The following STK25 variants were observed in gnomAD, a reference collection of about 807,000 sequenced individuals.
STK25 encodes serine/threonine kinase 25.
Under a neutral mutation model 53.8 loss-of-function variants are expected in STK25, and 29 were observed. The observed-to-expected ratio is 0.54, with a 90% confidence interval of 0.40 to 0.74. STK25 has a LOEUF of 0.74. Among genes scored for constraint, STK25 ranks in the 30% least tolerant of loss-of-function variants. The pLI is 0.00. For missense variants in STK25, 420 were observed against 568.0 expected (o/e 0.74, Z 2.65); for synonymous variants, 247 against 238.3 (o/e 1.04, Z -0.33).
At chr2:241,497,813 C>T (rs33961871) in intron 9 of STK25, 126 bp from the exon 10 acceptor site, 161,505 of 918,552 alleles carry the variant, frequency 0.18, 16,385 homozygotes, top group Middle Eastern at 0.21. Flanking sequence ...GGCACATGTC[C>T]AGGGCCGGCC....
chr2:241,497,800 CG>C lies in STK25; in HGVS notation c.1033-114del, dbSNP rs1271491788. 7.3e-6 allele frequency: 8 copies of C among 1,095,056 alleles called. No homozygotes were observed. In the East Asian group the frequency reaches 1.8e-4, roughly 24 times the overall value. The allele number at this position is 1,095,056 out of a possible 1,614,324, so 67.8% of individuals were successfully genotyped here. A position where few individuals can be genotyped will look rare whatever the true frequency, so the allele number is the denominator to read the frequency against. On this transcript the variant is annotated intron_variant, in intron 9 of 11. Transcript: ENST00000316586. ...GAGACAGAGGCTGGGAGCAGCCTGT[CG>C]GGGCACATGTCCAGGGCCGGCCCCA... is the stretch of plus-strand genomic sequence containing the variant.
intron 9 of STK25, 98 bp from the exon 10 acceptor site, chr2:241,497,785 C>A: frequency 8.0e-7 from 1 of 1,252,486 alleles, no homozygotes; most frequent in Non-Finnish European, 1.2e-6. Flanking sequence ...GAGACAGAGG[C>A]TGGGAGCAGC....
chr2:241,496,787 G>A lies in STK25; in HGVS notation c.1105-253C>T, dbSNP rs1426342936. Among the ~76,000 whole-genome samples the A allele has an allele frequency of 1.3e-5, 2 of 152,136 alleles. No homozygotes were observed. Among genetic ancestry groups the A allele is most frequent in the Admixed American group, 6.5e-5 (1 of 15,276 alleles). On this transcript the variant is annotated intron_variant, in intron 10 of 11. Transcript: ENST00000316586. The surrounding 1 kb of genome is among the most constrained non-coding windows in gnomAD (Gnocchi z 5.8). Reference sequence around the variant, plus strand: ...TACACTCCGGGGAATCTCGGACCTCGGTTCTCAGGAGGGGACCAGATGGCT... The same window carrying A: ...TACACTCCGGGGAATCTCGGACCTCAGTTCTCAGGAGGGGACCAGATGGCT...
chr2:241,498,911 G>A (rs1474702889), intron 7 of STK25, 78 bp downstream of exon 7: 1 of 1,609,856 alleles, frequency 6.2e-7, no homozygotes, highest in South Asian at 1.1e-5. Context: ...TGGGCCTCCG[G>A]GCTGTGCCGC....
chr2:241,503,167 G>A (rs1214524264), intron 2 of STK25, among the ~76,000 whole-genome samples: 3 of 152,040 alleles, frequency 2.0e-5, no homozygotes, highest in Non-Finnish European at 2.9e-5. Flanking sequence ...GGGTTCAAGC[G>A]ATTCTTCTGC....
At chr2:241,497,827 A>C in intron 9 of STK25, 140 bp from the exon 10 acceptor site, 2 of 819,382 alleles carry the variant, frequency 2.4e-6, no homozygotes, top group Non-Finnish European at 3.9e-6. Context: ...GCCGGCCCCA[A>C]AACCATCAAG....
intron 1 of STK25, 105 bp from the exon 2 acceptor site, chr2:241,508,240 G>A (rs2065976303): frequency 7.6e-7 from 1 of 1,309,650 alleles, no homozygotes. Flanking sequence ...GACCCCCCAG[G>A]CCGCCGGGGC....
chr2:241,494,218 G>T lies in STK25; in HGVS notation c.*1444C>A. ...GAGGCTTCTCAACAGATGGGAAGTGGCTGTGGTCTCACTGGATCCCCACTG... is the reference window on the plus strand; with the variant it reads ...GAGGCTTCTCAACAGATGGGAAGTGTCTGTGGTCTCACTGGATCCCCACTG... On this transcript the variant is annotated 3_prime_UTR_variant, in exon 12 of 12. Transcript: ENST00000316586. This position sits in a 1 kb window ranked among gnomAD's most constrained non-coding sequence, Gnocchi z 4.9. The T allele has an allele frequency of 4.1e-6, 3 of 736,900 alleles. No homozygotes were observed. Among genetic ancestry groups the T allele is most frequent in the Non-Finnish European group, 6.2e-6 (3 of 484,646 alleles). 45.6% of individuals were successfully genotyped at this position (736,900 alleles called of 1,614,324 possible).
chr2:241,508,370 G>A (rs2065986932), intron 1 of STK25, 73 bp downstream of exon 1: 8 of 736,774 alleles, frequency 1.1e-5, no homozygotes, highest in Non-Finnish European at 1.4e-5. Flanking sequence ...CCCCGCCACC[G>A]AGCCCCGCCC....
In STK25 at chr2:241,501,806, G is replaced by A. The variant is rs1228121170; in HGVS notation, c.31-98C>T. 3 of 817,350 alleles carry A rather than the reference G, an allele frequency of 3.7e-6. No homozygotes were observed. In the Admixed American group the frequency reaches 6.6e-5, roughly 18 times the overall value. 50.6% of individuals were successfully genotyped at this position (817,350 alleles called of 1,614,324 possible). A position where few individuals can be genotyped will look rare whatever the true frequency, so the allele number is the denominator to read the frequency against. The stretch of plus-strand genomic sequence containing the variant: ...CTGCTGGGGAGGAAGGGACCTGTAG[G>A]GAAGGGGGAGTCCAAGGGAGCGCAC... On this transcript the variant is annotated intron_variant, in intron 2 of 11. Transcript: ENST00000316586. This position sits in a 1 kb window ranked among gnomAD's most constrained non-coding sequence, Gnocchi z 5.3.
rs986554503 is a variant in STK25 at position 241,500,365 on chromosome 2, G to A, written c.319-84C>T. 34 of 950,448 alleles carry A rather than the reference G, an allele frequency of 3.6e-5. 1 individual carries two copies. The Admixed American group carries it at 5.4e-4, about 15-fold the overall frequency. The allele number at this position is 950,448 out of a possible 1,614,324, so 58.9% of individuals were successfully genotyped here. A position where few individuals can be genotyped will look rare whatever the true frequency, so the allele number is the denominator to read the frequency against. ...TTCTCTGCCTCTCTCACAGGGAAGG[G>A]CTGTCCCTGCAGATAGCTGGGGGCT... On this transcript the variant is annotated intron_variant, in intron 4 of 11. Coordinates refer to ENST00000316586, the MANE Select transcript of STK25 (RefSeq NM_001271977.2).
rs930763218 is a variant in STK25 at position 241,496,195 on chromosome 2, A to G, written c.1241+203T>C. ...CCCTTAGACTGGAAAGGCCCTGCCC[A>G]CTCTCTCCAGCCCCAAAGTCTCCAT... On this transcript the variant is annotated intron_variant, in intron 11 of 11. Transcript: ENST00000316586. The surrounding 1 kb of genome is among the most constrained non-coding windows in gnomAD (Gnocchi z 5.8). 2.6e-5 allele frequency among the ~76,000 whole-genome samples: 4 copies of G among 151,958 alleles called. No homozygotes were observed. Among genetic ancestry groups the G allele is most frequent in the Non-Finnish European group, 5.9e-5 (4 of 67,970 alleles).
At position 241,494,073 on chromosome 2, in the gene STK25, G is replaced by A. The variant is rs2065036865; in HGVS notation, c.*1589C>T. The A allele has an allele frequency of 6.9e-7, 1 of 1,445,488 alleles. No individual in the cohort carries two copies. Among genetic ancestry groups the A allele is most frequent in the Admixed American group, 2.9e-5 (1 of 34,838 alleles). 89.5% of individuals were successfully genotyped at this position (1,445,488 alleles called of 1,614,324 possible). On this transcript the variant is annotated 3_prime_UTR_variant, in exon 12 of 12. Transcript: ENST00000316586. The surrounding 1 kb of genome is among the most constrained non-coding windows in gnomAD (Gnocchi z 4.9). The stretch of plus-strand genomic sequence containing the variant: ...AGGGCCCCAAGCATCGTGCAGGATG[G>A]CCCCCAACCCTCCTCAGGGCTGGAG...
intron 8 of STK25, 65 bp downstream of exon 8, chr2:241,498,574 T>G (rs2065317735): frequency 1.9e-6 from 3 of 1,554,872 alleles, no homozygotes; most frequent in Non-Finnish European, 2.6e-6. Context: ...CGCCCCTGCT[T>G]CTGGAGTGGG....
At chr2:241,504,564 C>T (rs2065707780) in intron 2 of STK25, among the ~76,000 whole-genome samples, 1 of 152,206 alleles carries the variant, frequency 6.6e-6, no homozygotes, top group Non-Finnish European at 1.5e-5. Flanking sequence ...GCTCAGCTGT[C>T]TCCGGGTTGA....
In STK25 at chr2:241,493,271, GTGTCCC is replaced by G; in HGVS notation, c.*2385_*2390del. On this transcript the variant is annotated 3_prime_UTR_variant, in exon 12 of 12. Transcript: ENST00000316586. ...TGTGGCAACCCAGCCCCTGGAACCCGTGTCCCTATGCTGTCTTGCAGGATGACTACC... is the reference window on the plus strand; with the variant it reads ...TGTGGCAACCCAGCCCCTGGAACCCGTATGCTGTCTTGCAGGATGACTACC... 2 of 1,610,620 alleles carry G rather than the reference GTGTCCC, an allele frequency of 1.2e-6. No individual in the cohort carries two copies. Among genetic ancestry groups the G allele is most frequent in the Non-Finnish European group, 1.7e-6 (2 of 1,177,860 alleles).
At chr2:241,508,725 C>T, upstream of STK25, 1 of 984,834 alleles carries the variant, frequency 1.0e-6, no homozygotes, top group Non-Finnish European at 1.2e-6. Flanking sequence ...GAGAGGGGGC[C>T]GGGGCTCGCA....
rs1031549255 is a variant in STK25, at chr2:241,499,088, C to T, written c.672G>A (p.Leu224=). ...PNSDLHPMRV[L]FLIPKNSPPT... is the part of the protein sequence containing the mutation. ...GTGGGCTGTTCTTGGGAATCAGGAA[C>T]AGGACGCGCATGGGGTGGAGGTCAG... The change falls in exon 7 of 12, where the codon CTG becomes CTA. Residue 224 remains leucine, a synonymous_variant. Coordinates refer to ENST00000316586, the MANE Select transcript of STK25 (RefSeq NM_001271977.2). 1.2e-6 allele frequency: 2 copies of T among 1,614,010 alleles called. No homozygotes were observed. Among genetic ancestry groups the T allele is most frequent in the African/African-American group, 2.7e-5 (2 of 74,936 alleles).
rs890044969 is a variant in STK25, at chr2:241,499,499, C to T, written c.428-85G>A. The stretch of plus-strand genomic sequence containing the variant: ...CCCTGAGAAGGGCCAGGGTACCATC[C>T]ACCTGGCCTCCTAGGGCACAGCAGG... On this transcript the variant is annotated intron_variant, in intron 5 of 11. Coordinates refer to ENST00000316586, the MANE Select transcript of STK25 (RefSeq NM_001271977.2). 8.9e-5 allele frequency: 134 copies of T among 1,502,096 alleles called. 3 individuals carry two copies. In the South Asian group the frequency reaches 1.7e-3, roughly 19 times the overall value. 93.0% of individuals were successfully genotyped at this position (1,502,096 alleles called of 1,614,324 possible). A position where few individuals can be genotyped will look rare whatever the true frequency, so the allele number is the denominator to read the frequency against.
Sources: gnomAD v4.1 joint callset for allele counts (sites outside exome capture counted in the v4.1 genomes callset) on GRCh38, gnomAD v4.1.1 for gene constraint, Gnocchi (gnomAD v3.1) non-coding constraint, MANE v1.5 for transcripts, NCBI Gene and HGNC (gene_info 2026-07-23, HGNC 2026-07-21) for gene names.